The following PHLPP2 variants were observed in gnomAD, a reference collection of about 807,000 sequenced individuals.
PHLPP2 encodes the protein PH domain leucine-rich repeat-containing protein phosphatase 2.
A neutral mutation model predicts 124.9 loss-of-function variants in PHLPP2; 66 were observed. The ratio of observed to expected loss-of-function variants is 0.53; its 90% CI spans 0.43 to 0.65. The LOEUF is 0.65. PHLPP2 is among the 30% of genes least tolerant of loss of function. The probability of loss-of-function intolerance (pLI) is 0.00; values close to 1 mark genes in which losing one functional copy is unlikely to be tolerated. For missense variants in PHLPP2, 1,685 were observed against 1,600.4 expected (o/e 1.05, Z -0.90); for synonymous variants, 681 against 624.7 (o/e 1.09, Z -1.34).
intron 3 of PHLPP2, among the ~76,000 whole-genome samples, chr16:71,694,265 C>A (rs902136538): frequency 6.6e-6 from 1 of 151,248 alleles, no homozygotes; most frequent in Admixed American, 6.6e-5. Flanking sequence ...AGTTTGAGAC[C>A]AGCGTGACCA....
At chr16:71,704,738 C>T (rs1400323119) in intron 2 of PHLPP2, among the ~76,000 whole-genome samples, 1 of 152,108 alleles carries the variant, frequency 6.6e-6, no homozygotes, top group Non-Finnish European at 1.5e-5. Flanking sequence ...CAATTAATCC[C>T]TAGCCAAACA....
chr16:71,712,264 T>C (rs1449266282), intron 2 of PHLPP2, among the ~76,000 whole-genome samples: 1 of 152,258 alleles, frequency 6.6e-6, no homozygotes, highest in Non-Finnish European at 1.5e-5. Context: ...ATTCATTCTT[T>C]GAAACCACAG....
intron 3 of PHLPP2, among the ~76,000 whole-genome samples, chr16:71,691,763 T>G (rs565596744): frequency 2.2e-4 from 33 of 152,062 alleles, no homozygotes; most frequent in Non-Finnish European, 3.4e-4. Flanking sequence ...TGAGATACAG[T>G]GAACAAAACA....
chr16:71,667,804 A>G (rs2044852277), intron 11 of PHLPP2, among the ~76,000 whole-genome samples: 1 of 152,250 alleles, frequency 6.6e-6, no homozygotes, highest in Admixed American at 6.5e-5. Flanking sequence ...AAGATTTCAC[A>G]CTGCATAGTA....
intron 7 of PHLPP2, 113 bp from the exon 8 acceptor site, chr16:71,679,098 G>A: frequency 1.5e-6 from 1 of 667,542 alleles, no homozygotes. Context: ...TCCCAAAATA[G>A]TAAAGTGTCC....
In PHLPP2 at chr16:71,649,990, G is replaced by C. The variant is rs757087212; in HGVS notation, c.2872C>G (p.Leu958Val). Reference sequence around the variant, plus strand: ...GGCTTGGGGAGGATCCAAGGGTAGAGGTATGTACAGCCCAGCATCCGGGTA... The same window carrying C: ...GGCTTGGGGAGGATCCAAGGGTAGACGTATGTACAGCCCAGCATCCGGGTA... Reference protein sequence around the residue: ...CCTRMLGCTYLYPWILPKPHI... With the variant: ...CCTRMLGCTYVYPWILPKPHI... Residue 958 changes from leucine (L) to valine (V), a missense_variant, in exon 19 of 19, where the codon CTC (leucine) becomes GTC (valine). Transcript: ENST00000568954. 5 of 1,613,402 alleles carry C rather than the reference G, an allele frequency of 3.1e-6. No homozygotes were observed. The highest frequency in any genetic ancestry group is 2.2e-5 in the East Asian group (1 of 44,886).
At chr16:71,654,558 A>G (rs1298927725) in intron 17 of PHLPP2, among the ~76,000 whole-genome samples, 2 of 152,336 alleles carry the variant, frequency 1.3e-5, no homozygotes, top group East Asian at 3.9e-4. Flanking sequence ...TCACAAGGGT[A>G]AACAACCAAT....
chr16:71,721,805 T>C (rs1286774054), intron 1 of PHLPP2, among the ~76,000 whole-genome samples: 1 of 151,980 alleles, frequency 6.6e-6, no homozygotes, highest in Non-Finnish European at 1.5e-5. Flanking sequence ...ACCTGGAAAA[T>C]TTACAAACCT....
intron 4 of PHLPP2, among the ~76,000 whole-genome samples, chr16:71,685,103 G>A (rs927684255): frequency 6.6e-5 from 10 of 152,114 alleles, no homozygotes; most frequent in South Asian, 2.1e-4. Context: ...CGAGGCGGGC[G>A]GATCACGAGG....
At chr16:71,687,902 T>C (rs570005291) in intron 4 of PHLPP2, among the ~76,000 whole-genome samples, 3 of 152,330 alleles carry the variant, frequency 2.0e-5, no homozygotes, top group Non-Finnish European at 2.9e-5. Context: ...ATAGTTTTTA[T>C]CTGTGAAATT....
intron 9 of PHLPP2, among the ~76,000 whole-genome samples, chr16:71,673,303 A>C (rs944545054): frequency 1.3e-5 from 2 of 152,194 alleles, no homozygotes; most frequent in African/African-American, 4.8e-5. Context: ...AAGTGGTTGT[A>C]CCAATTTACA....
At position 71,658,778 on chromosome 16, in the gene PHLPP2, G is replaced by T; in HGVS notation, c.2023C>A (p.Leu675Ile). The change falls in exon 14 of 19, where the codon CTA becomes ATA. Residue 675 changes from leucine to isoleucine, a missense_variant. Leu to Ile is a conservative substitution (Grantham distance 5). Transcript: ENST00000568954. ...ATGGTTTTAAGCTTGTTGCCACTTA[G>T]GTTCAGTTCCTCCAATTGCTCCAAT... ...NKLEQLEELN[L>I]SGNKLKTIPT... 1 of 1,614,080 alleles carries T rather than the reference G, an allele frequency of 6.2e-7. No homozygotes were observed. Among genetic ancestry groups the T allele is most frequent in the African/African-American group, 1.3e-5 (1 of 75,002 alleles).
intron 15 of PHLPP2, among the ~76,000 whole-genome samples, chr16:71,657,425 C>T (rs1289187100): frequency 2.7e-5 from 4 of 147,028 alleles, no homozygotes; most frequent in African/African-American, 5.0e-5. Flanking sequence ...GAAGGAGTCT[C>T]GCTGTGTCGC....
At chr16:71,685,640 G>A (rs921468497) in intron 4 of PHLPP2, among the ~76,000 whole-genome samples, 7 of 152,096 alleles carry the variant, frequency 4.6e-5, no homozygotes, top group Admixed American at 2.6e-4. Context: ...ACAAATCATT[G>A]CAACTGAATG....
intron 6 of PHLPP2, among the ~76,000 whole-genome samples, chr16:71,679,902 G>T (rs2044981391): frequency 6.6e-6 from 1 of 152,142 alleles, no homozygotes; most frequent in Non-Finnish European, 1.5e-5. Context: ...CTAACTTGGT[G>T]AAACCCCATC....
Position 71,672,370 on chromosome 16 carries a change from G to C in PHLPP2, c.1472-48C>G, listed in dbSNP as rs756646310. Reference sequence around the variant, plus strand: ...TTAGTGACATCCTCTAAAAAAGAAAGTAACTGAGAGCTGACAATGGAAAAG... The same window carrying C: ...TTAGTGACATCCTCTAAAAAAGAAACTAACTGAGAGCTGACAATGGAAAAG... On this transcript the variant is annotated intron_variant, in intron 9 of 18. Coordinates refer to ENST00000568954, the MANE Select transcript of PHLPP2 (RefSeq NM_015020.3). The C allele has an allele frequency of 2.3e-6, 3 of 1,313,122 alleles. No homozygotes were observed. In the South Asian group the frequency reaches 3.6e-5, roughly 16 times the overall value. 81.3% of individuals were successfully genotyped at this position (1,313,122 alleles called of 1,614,324 possible). A position where few individuals can be genotyped will look rare whatever the true frequency, so the allele number is the denominator to read the frequency against.
At chr16:71,682,153 T>A (rs959226229) in intron 5 of PHLPP2, among the ~76,000 whole-genome samples, 5 of 151,546 alleles carry the variant, frequency 3.3e-5, no homozygotes, top group Admixed American at 6.6e-5. Flanking sequence ...AAAACACATA[T>A]CATTAAAGAT....
At position 71,647,090 on chromosome 16, in the gene PHLPP2, CAT is replaced by C. The variant is rs897246933; in HGVS notation, c.*1798_*1799del. ...TATTTATATTTAACCCTCTCTTTAA[CAT>C]AGTTTCTGATGAAACAAATTAAAAA... On this transcript the variant is annotated 3_prime_UTR_variant, in exon 19 of 19. Transcript: ENST00000568954. 1 of 152,622 alleles carries C rather than the reference CAT, an allele frequency of 6.6e-6. No individual in the cohort carries two copies. Among genetic ancestry groups the C allele is most frequent in the African/African-American group, 2.4e-5 (1 of 41,454 alleles). 9.5% of individuals were successfully genotyped at this position (152,622 alleles called of 1,614,324 possible). A position where few individuals can be genotyped will look rare whatever the true frequency, so the allele number is the denominator to read the frequency against.
At chr16:71,668,879 T>C (rs2044864778) in intron 11 of PHLPP2, among the ~76,000 whole-genome samples, 1 of 152,212 alleles carries the variant, frequency 6.6e-6, no homozygotes, top group African/African-American at 2.4e-5. Context: ...AAGATGAAGA[T>C]AACAGCACCT....
Sources: gnomAD v4.1 joint callset for allele counts (sites outside exome capture counted in the v4.1 genomes callset) on GRCh38, gnomAD v4.1.1 for gene constraint, MANE v1.5 for transcripts, NCBI Gene and HGNC (gene_info 2026-07-23, HGNC 2026-07-21) for gene names.